The following DNAAF11 variants were observed in gnomAD, a reference collection of about 807,000 sequenced individuals.
DNAAF11 encodes the protein dynein axonemal assembly factor 11.
In DNAAF11, 45 loss-of-function variants were observed where a neutral mutation model predicts 60.8. The ratio of observed to expected loss-of-function variants is 0.74; its 90% CI spans 0.58 to 0.95. DNAAF11 has a LOEUF of 0.95. Ranked by LOEUF, DNAAF11 falls within the 40% of genes least tolerant of loss-of-function variation. The probability of loss-of-function intolerance (pLI) is 0.00; values close to 1 mark genes in which losing one functional copy is unlikely to be tolerated. For missense variants in DNAAF11, 546 were observed against 546.2 expected (o/e 1.00, Z 0.00); for synonymous variants, 191 against 183.5 (o/e 1.04, Z -0.33).
At chr8:132,599,196 C>A (rs1291038581) in intron 10 of DNAAF11, among the ~76,000 whole-genome samples, 3 of 152,164 alleles carry the variant, frequency 2.0e-5, no homozygotes, top group Non-Finnish European at 4.4e-5. Context: ...AATTCCTGGA[C>A]ATATACACCA....
At chr8:132,577,499 C>A (rs1048815511) in intron 11 of DNAAF11, among the ~76,000 whole-genome samples, 4 of 152,168 alleles carry the variant, frequency 2.6e-5, no homozygotes, top group African/African-American at 9.7e-5. Flanking sequence ...TCCCTGGGAA[C>A]CAGGAATCCC....
At chr8:132,644,990 CT>C (rs763708961) in intron 3 of DNAAF11, among the ~76,000 whole-genome samples, 28 of 152,162 alleles carry the variant, frequency 1.8e-4, no homozygotes, top group Non-Finnish European at 3.8e-4. Flanking sequence ...AGTAGTGGTC[CT>C]CCCAGCATGG....
chr8:132,637,453 A>C (rs1220187362), intron 4 of DNAAF11, among the ~76,000 whole-genome samples: 1 of 152,094 alleles, frequency 6.6e-6, no homozygotes, highest in Non-Finnish European at 1.5e-5. Context: ...TAAAAATACA[A>C]AAGTAGGCAG....
intron 7 of DNAAF11, among the ~76,000 whole-genome samples, chr8:132,620,714 T>C (rs1018587957): frequency 4.0e-5 from 6 of 151,808 alleles, no homozygotes; most frequent in African/African-American, 7.3e-5. Flanking sequence ...GTAAGAAAAA[T>C]AGGAGAGTGA....
the DNAAF11 span, among the ~76,000 whole-genome samples, chr8:132,691,541 T>C: frequency 6.6e-6 from 1 of 152,144 alleles, no homozygotes; most frequent in Non-Finnish European, 1.5e-5. Context: ...CGGCAATTTA[T>C]ACAGAAAAAA....
At chr8:132,601,098 C>G (rs1407304497) in intron 10 of DNAAF11, among the ~76,000 whole-genome samples, 1 of 152,130 alleles carries the variant, frequency 6.6e-6, no homozygotes, top group Non-Finnish European at 1.5e-5. Context: ...ACAACTCCAT[C>G]AAAAAGTGGG....
At chr8:132,674,031 GAGGAGCAGGAGCAGA>G (rs1554612961) in intron 1 of DNAAF11, among the ~76,000 whole-genome samples, 3 of 146,714 alleles carry the variant, frequency 2.0e-5, no homozygotes, top group East Asian at 2.0e-4. Flanking sequence ...GAAGGAGCAG[GAGGAGCAGGAGCAGA>G]AGGAGCAGGA....
chr8:132,629,935 A>C (rs1426998550), intron 5 of DNAAF11, among the ~76,000 whole-genome samples: 2 of 152,210 alleles, frequency 1.3e-5, no homozygotes, highest in Non-Finnish European at 2.9e-5. Context: ...AAATACAATG[A>C]AAGATGGTTT....
At chr8:132,594,481 A>G (rs1816784280) in intron 10 of DNAAF11, among the ~76,000 whole-genome samples, 2 of 152,196 alleles carry the variant, frequency 1.3e-5, no homozygotes, top group Non-Finnish European at 2.9e-5. Flanking sequence ...CATAATACAA[A>G]GGAGACAGAT....
At chr8:132,634,813 A>C (rs1442223325) in intron 4 of DNAAF11, among the ~76,000 whole-genome samples, 1 of 149,190 alleles carries the variant, frequency 6.7e-6, no homozygotes, top group Admixed American at 6.7e-5. Flanking sequence ...ACATAAATAC[A>C]TTATATATAA....
Position 132,600,046 on chromosome 8 carries a change from CCTT to C in DNAAF11, c.1140+10117_1140+10119del, listed in dbSNP as rs556139325. On this transcript the variant is annotated intron_variant, in intron 10 of 11. Transcript: ENST00000620350. ...ACCCCATCATCTCAGCCCAAAATCT[CCTT>C]AAGCTGATAAGCAACTTCAGCAAAG... 5.7e-3 allele frequency among the ~76,000 whole-genome samples: 870 copies of C among 152,290 alleles called. 11 individuals carry two copies. Among genetic ancestry groups the C allele is most frequent in the African/African-American group, 0.02 (837 of 41,552 alleles).
At position 132,572,067 on chromosome 8, in the gene DNAAF11, A is replaced by G. The variant is rs116329113; in HGVS notation, c.*239T>C. ...TATGCAATAGTTCTATGATCTTACT[A>G]AACATTTTCAATACCAACCCTTTAT... On this transcript the variant is annotated 3_prime_UTR_variant, in exon 12 of 12. Transcript: ENST00000620350. 6.4e-3 allele frequency: 2,419 copies of G among 379,360 alleles called. 14 individuals carry two copies. The highest frequency in any genetic ancestry group is 0.012 in the African/African-American group (581 of 48,594). The allele number at this position is 379,360 out of a possible 1,614,324, so 23.5% of individuals were successfully genotyped here.
chr8:132,578,557 G>A (rs1481909531), intron 11 of DNAAF11: 1 of 1,246,940 alleles, frequency 8.0e-7, no homozygotes, highest in South Asian at 1.3e-5. Context: ...ATGGAAGTAA[G>A]CAAGAAAAAA....
intron 4 of DNAAF11, among the ~76,000 whole-genome samples, chr8:132,636,948 C>T (rs1821360643): frequency 6.6e-6 from 1 of 152,148 alleles, no homozygotes; most frequent in Admixed American, 6.5e-5. Flanking sequence ...GAAAAAATGC[C>T]TATTGAACAG....
At chr8:132,604,817 C>T (rs1817977955) in intron 10 of DNAAF11, among the ~76,000 whole-genome samples, 1 of 152,006 alleles carries the variant, frequency 6.6e-6, no homozygotes, top group Non-Finnish European at 1.5e-5. Context: ...AAACTTAGGA[C>T]ATGTGTAGCA....
At chr8:132,617,683 G>C (rs1351011132) in intron 7 of DNAAF11, among the ~76,000 whole-genome samples, 1 of 152,122 alleles carries the variant, frequency 6.6e-6, no homozygotes, top group East Asian at 1.9e-4. Flanking sequence ...GTGAGAGAGG[G>C]CATCCCTGTC....
rs369861605 is a variant in DNAAF11 at position 132,615,028 on chromosome 8, A to T, written c.974+10T>A. On this transcript the variant is annotated intron_variant, in intron 8 of 11. Transcript: ENST00000620350. ...AATGTCATAAATAAATACGTAGAAA[A>T]TGTCTTTACCTATAGACAGCAAGGT... 7 of 1,549,698 alleles carry T rather than the reference A, an allele frequency of 4.5e-6. No individual in the cohort carries two copies. Among genetic ancestry groups the T allele is most frequent in the Admixed American group, 1.8e-5 (1 of 56,040 alleles).
intron 3 of DNAAF11, among the ~76,000 whole-genome samples, chr8:132,639,565 T>C (rs1821652468): frequency 6.6e-6 from 1 of 152,210 alleles, no homozygotes; most frequent in Non-Finnish European, 1.5e-5. Context: ...TCACCTTTGG[T>C]GAGGTTTCCT....
intron 5 of DNAAF11, among the ~76,000 whole-genome samples, chr8:132,627,821 A>G (rs1463843910): frequency 6.6e-6 from 1 of 152,094 alleles, no homozygotes; most frequent in African/African-American, 2.4e-5. Flanking sequence ...ACATGCTTAT[A>G]TGACCACTCC....
Sources: gnomAD v4.1 joint callset for allele counts (sites outside exome capture counted in the v4.1 genomes callset) on GRCh38, gnomAD v4.1.1 for gene constraint, MANE v1.5 for transcripts, NCBI Gene and HGNC (gene_info 2026-07-23, HGNC 2026-07-21) for gene names.